The following OTOP1 variants were observed in gnomAD, a reference collection of about 807,000 sequenced individuals.
OTOP1 encodes the protein otopetrin 1, also known as proton channel OTOP1.
OTOP1 carries 59 observed loss-of-function variants against 52.9 expected under a neutral mutation model. That is an observed-to-expected ratio of 1.12 (90% CI 0.91 to 1.39). OTOP1 has a LOEUF of 1.39. Among genes scored for constraint, OTOP1 ranks in the 40% most tolerant of loss-of-function variants. OTOP1 has a pLI of 0.00. For synonymous variants in OTOP1, 317 were observed against 337.7 expected (o/e 0.94, Z 0.67); for missense variants, 761 against 800.9 (o/e 0.95, Z 0.60).
intron 2 of OTOP1, among the ~76,000 whole-genome samples, chr4:4,206,395 G>A (rs1024551583): frequency 6.6e-6 from 1 of 152,186 alleles, no homozygotes; most frequent in African/African-American, 2.4e-5. Context: ...ATATGGGGGT[G>A]ATTGATTGAG....
At chr4:4,219,378 G>T (rs768582598) in intron 1 of OTOP1, among the ~76,000 whole-genome samples, 1 of 152,160 alleles carries the variant, frequency 6.6e-6, no homozygotes, top group Non-Finnish European at 1.5e-5. Flanking sequence ...GTAGGATAAA[G>T]AATCCTTCCT....
intron 2 of OTOP1, among the ~76,000 whole-genome samples, chr4:4,208,911 G>A (rs546949523): frequency 1.4e-3 from 218 of 152,314 alleles, no homozygotes; most frequent in African/African-American, 4.7e-3. Flanking sequence ...GGAAGGGTAA[G>A]GAGGAGCTGT....
chr4:4,201,467 TATATACAC>T (rs1210394347), intron 4 of OTOP1, among the ~76,000 whole-genome samples: 1 of 126,290 alleles, frequency 7.9e-6, no homozygotes, highest in Non-Finnish European at 1.7e-5. Context: ...TAAATATATA[TATATACAC>T]ACACACACAC....
chr4:4,201,705 C>T (rs1716792361), intron 4 of OTOP1, among the ~76,000 whole-genome samples: 1 of 152,126 alleles, frequency 6.6e-6, no homozygotes, highest in Admixed American at 6.6e-5. Flanking sequence ...CGGAAGGGAT[C>T]TTTGCAAGTG....
chr4:4,197,915 T>C lies in OTOP1; in HGVS notation c.919A>G (p.Lys307Glu), dbSNP rs1560205878. ...GCGCCCACCATGACCCCATCAGACT[T>C]GAACTGCATCTTCTGGTGCTGATGG... The part of the protein sequence containing the change: ...DSHQHQKMQF[K>E]SDGVMVGAVL... Residue 307 changes from lysine (K) to glutamate (E), a missense_variant, in exon 5 of 6, where the codon AAG becomes GAG. Lys to Glu is a moderately conservative substitution (Grantham distance 56). Transcript: ENST00000296358. 2 of 1,613,868 alleles carry C rather than the reference T, an allele frequency of 1.2e-6. No homozygotes were observed. Among genetic ancestry groups the C allele is most frequent in the Non-Finnish European group, 1.7e-6 (2 of 1,179,962 alleles).
intron 5 of OTOP1, among the ~76,000 whole-genome samples, chr4:4,190,398 C>T (rs533067843): frequency 5.3e-5 from 8 of 152,136 alleles, no homozygotes; most frequent in East Asian, 3.9e-4. Flanking sequence ...CCCTTGAACC[C>T]GGGAGGCGAA....
chr4:4,211,162 T>A (rs1237244338), intron 2 of OTOP1, among the ~76,000 whole-genome samples: 1 of 152,180 alleles, frequency 6.6e-6, no homozygotes, highest in African/African-American at 2.4e-5. Context: ...AGAGAAACAC[T>A]CTAAGGTCAT....
chr4:4,204,043 C>T (rs1412431890), intron 3 of OTOP1, among the ~76,000 whole-genome samples: 1 of 152,218 alleles, frequency 6.6e-6, no homozygotes, highest in Non-Finnish European at 1.5e-5. Flanking sequence ...AGAGAACCCT[C>T]GTCCATGATC....
intron 3 of OTOP1, 139 bp from the exon 4 acceptor site, chr4:4,202,717 G>A (rs1184503715): frequency 1.1e-5 from 12 of 1,101,814 alleles, no homozygotes; most frequent in Non-Finnish European, 1.3e-5. Flanking sequence ...CAGGCTCTGG[G>A]TGGGCCCCCT....
At chr4:4,205,492 C>T (rs1479257326) in intron 3 of OTOP1, among the ~76,000 whole-genome samples, 2 of 152,178 alleles carry the variant, frequency 1.3e-5, no homozygotes, top group African/African-American at 4.8e-5. Flanking sequence ...TGGGCTCTTA[C>T]CAGCTCAGAA....
At chr4:4,200,417 A>C (rs990691931) in intron 4 of OTOP1, among the ~76,000 whole-genome samples, 1 of 151,178 alleles carries the variant, frequency 6.6e-6, no homozygotes, top group Non-Finnish European at 1.5e-5. Context: ...CAGAGCTTGC[A>C]GTGATCCGAG....
intron 1 of OTOP1, among the ~76,000 whole-genome samples, chr4:4,213,718 TG>T (rs1717073718): frequency 2.6e-5 from 4 of 152,324 alleles, no homozygotes; most frequent in Admixed American, 6.5e-5. Context: ...TATCTGTTGA[TG>T]GATGCTGGGT....
chr4:4,197,400 G>T lies in OTOP1; in HGVS notation c.1434C>A (p.Cys478Ter). Residue 478 changes from cysteine to a stop codon, truncating the protein, a stop_gained, in exon 5 of 6, where the codon TGC (cysteine) becomes TGA (stop). Transcript: ENST00000296358. LOFTEE classifies it high-confidence loss of function. Reference sequence around the variant, plus strand: ...CTCTGGCCACACCTCCACTCTTGGGGCAGGAAGAAGCAAGGGGCATGGTGT... The same window carrying T: ...CTCTGGCCACACCTCCACTCTTGGGTCAGGAAGAAGCAAGGGGCATGGTGT... ...NGNTMPLASS[C>*]PKSGGVARDV... is the part of the protein sequence containing the mutation. The T allele has an allele frequency of 1.9e-6, 3 of 1,614,144 alleles. No homozygotes were observed. Among genetic ancestry groups the T allele is most frequent in the Non-Finnish European group, 2.5e-6 (3 of 1,180,036 alleles).
intron 3 of OTOP1, among the ~76,000 whole-genome samples, chr4:4,203,219 C>T (rs1271150087): frequency 1.3e-5 from 2 of 152,220 alleles, no homozygotes; most frequent in African/African-American, 2.4e-5. Context: ...GTCCCTTTCT[C>T]CTTTTTATCT....
chr4:4,215,084 A>G (rs1717110742), intron 1 of OTOP1, among the ~76,000 whole-genome samples: 1 of 152,070 alleles, frequency 6.6e-6, no homozygotes, highest in African/African-American at 2.4e-5. Context: ...GAGCCTAAGC[A>G]ACCCCATCTC....
chr4:4,191,195 G>A (rs944593685), intron 5 of OTOP1, among the ~76,000 whole-genome samples: 4 of 151,978 alleles, frequency 2.6e-5, no homozygotes, highest in Admixed American at 1.3e-4. Context: ...CAGTCCATCA[G>A]CGCATCTCCA....
chr4:4,189,163 G>A (rs776540687), intron 5 of OTOP1, among the ~76,000 whole-genome samples, 190 bp from the exon 6 acceptor site: 10 of 152,136 alleles, frequency 6.6e-5, no homozygotes, highest in Non-Finnish European at 1.5e-4. Context: ...TGTCTGCCAT[G>A]ATCCTGCTCA....
intron 1 of OTOP1, among the ~76,000 whole-genome samples, chr4:4,220,015 AT>A (rs1717257129): frequency 7.3e-6 from 1 of 137,232 alleles, no homozygotes; most frequent in Non-Finnish European, 1.5e-5. Context: ...ATATATGTAT[AT>A]ACATGTATAT....
chr4:4,216,562 G>C (rs113704174), intron 1 of OTOP1, among the ~76,000 whole-genome samples: 1 of 152,136 alleles, frequency 6.6e-6, no homozygotes, highest in Non-Finnish European at 1.5e-5. Flanking sequence ...ATCGCCTGGC[G>C]CTTTTCCACT....
Sources: gnomAD v4.1 joint callset for allele counts (sites outside exome capture counted in the v4.1 genomes callset) on GRCh38, gnomAD v4.1.1 for gene constraint, MANE v1.5 for transcripts, NCBI Gene and HGNC (gene_info 2026-07-23, HGNC 2026-07-21) for gene names.